Variants in FRMD4A observed in about 807,000 individuals in gnomAD.
FRMD4A encodes the protein FERM domain-containing protein 4A.
A neutral mutation model predicts 129.1 loss-of-function variants in FRMD4A; 29 were observed. The observed-to-expected ratio is 0.22, with a 90% CI of 0.17 to 0.31. FRMD4A has a LOEUF of 0.31. FRMD4A is among the 10% of genes least tolerant of loss of function. The pLI, the probability that FRMD4A is intolerant of heterozygous loss-of-function variation, is 1.00. For synonymous variants in FRMD4A, 634 were observed against 571.6 expected (o/e 1.11, Z -1.56); for missense variants, 1,272 against 1,375.8 (o/e 0.92, Z 1.19).
intron 2 of FRMD4A, among the ~76,000 whole-genome samples, chr10:14,095,010 A>C (rs1836874878): frequency 6.6e-6 from 1 of 152,096 alleles, no homozygotes; most frequent in South Asian, 2.1e-4. Flanking sequence ...GCATGGATGT[A>C]TATCTGTGTG....
chr10:14,278,851 AT>A (rs1451844248), intron 2 of FRMD4A, among the ~76,000 whole-genome samples: 4 of 152,030 alleles, frequency 2.6e-5, no homozygotes, highest in Non-Finnish European at 5.9e-5. Context: ...CAATCTTTTT[AT>A]TTTCTGCTTT....
At chr10:13,910,888 GAAAA>G (rs141449954) in intron 2 of FRMD4A, among the ~76,000 whole-genome samples, 4 of 83,070 alleles carry the variant, frequency 4.8e-5, no homozygotes, top group South Asian at 4.5e-4. Flanking sequence ...GGAGTTTCAT[GAAAA>G]AAAAAAAAAA....
intron 2 of FRMD4A, among the ~76,000 whole-genome samples, chr10:14,012,846 C>T (rs2095686852): frequency 6.6e-6 from 1 of 152,200 alleles, no homozygotes; most frequent in Non-Finnish European, 1.5e-5. Flanking sequence ...GAAGTCCACT[C>T]ACATGTGCAT....
At chr10:13,947,225 T>C (rs945170484) in intron 2 of FRMD4A, among the ~76,000 whole-genome samples, 2 of 152,118 alleles carry the variant, frequency 1.3e-5, no homozygotes, top group African/African-American at 2.4e-5. Context: ...ACGTGGATGC[T>C]ATGGATGCGC....
In FRMD4A at chr10:13,660,441, G is replaced by A; in HGVS notation, c.1773C>T (p.Leu591=). 6.2e-7 allele frequency: 1 copy of A among 1,613,622 alleles called. No homozygotes were observed. The highest frequency in any genetic ancestry group is 8.5e-7 in the Non-Finnish European group (1 of 1,179,506). Residue 591 remains leucine (L), a synonymous_variant, in exon 20 of 25, where the codon CTC becomes CTT. Transcript: ENST00000357447. ...RPPPPQSLEG[L]RQMHYHRNDY... Reference sequence around the variant, plus strand: ...CGTTGCGGTGATAGTGCATCTGTCGGAGTCCCTCCAGGGACTGGGGAGGAG... The same window carrying A: ...CGTTGCGGTGATAGTGCATCTGTCGAAGTCCCTCCAGGGACTGGGGAGGAG...
In FRMD4A at chr10:13,656,836, C is replaced by A. The variant is rs142082242; in HGVS notation, c.2753G>T (p.Gly918Val). 1.4e-5 allele frequency: 22 copies of A among 1,532,052 alleles called. No homozygotes were observed. Among genetic ancestry groups the A allele is most frequent in the Admixed American group, 2.1e-5 (1 of 48,030 alleles). 94.9% of individuals were successfully genotyped at this position (1,532,052 alleles called of 1,614,324 possible). A position where few individuals can be genotyped will look rare whatever the true frequency, so the allele number is the denominator to read the frequency against. The stretch of plus-strand genomic sequence containing the variant: ...GTCTGAGACGGCGGCACGGCCCGCG[C>A]CCTTGTCGTGGGCGCCCTCGCGGCC... ...SLGREGAHDK[G>V]AGRAAVSDEL... is the part of the protein sequence containing the mutation. Residue 918 changes from glycine to valine, a missense_variant, in exon 22 of 25, where the codon GGC becomes GTC. Gly to Val is a moderately radical substitution (Grantham distance 109, BLOSUM62 -3). Transcript: ENST00000357447.
chr10:13,866,719 G>A (rs1436099580), intron 2 of FRMD4A, among the ~76,000 whole-genome samples: 2 of 152,152 alleles, frequency 1.3e-5, no homozygotes, highest in East Asian at 3.8e-4. Flanking sequence ...CAGCGCTTTG[G>A]GAGGCCGAGG....
intron 9 of FRMD4A, among the ~76,000 whole-genome samples, chr10:13,742,440 C>A (rs905165756): frequency 6.6e-6 from 1 of 152,184 alleles, no homozygotes; most frequent in African/African-American, 2.4e-5. Context: ...TCCTCTTCAC[C>A]CTCCCTGTCC....
rs891170226 is a variant in FRMD4A, at chr10:13,952,853, G to A, written c.46-93941C>T. 2.9e-4 allele frequency among the ~76,000 whole-genome samples: 44 copies of A among 151,850 alleles called. 1 individual carries two copies. Among genetic ancestry groups the A allele is most frequent in the Admixed American group, 2.8e-3 (42 of 15,234 alleles). Reference sequence around the variant, plus strand: ...GGACCATGGTGCCCACCACCATGTCGGCTAATTTTTTTTCGTATTTTTAGT... The same window carrying A: ...GGACCATGGTGCCCACCACCATGTCAGCTAATTTTTTTTCGTATTTTTAGT... On this transcript the variant is annotated intron_variant, in intron 2 of 24. Transcript: ENST00000357447.
chr10:13,785,944 C>A (rs2092847282), intron 5 of FRMD4A, among the ~76,000 whole-genome samples: 2 of 152,350 alleles, frequency 1.3e-5, no homozygotes, highest in South Asian at 4.1e-4. Flanking sequence ...CTACAAAGCA[C>A]ATGAACTCAT....
intron 2 of FRMD4A, among the ~76,000 whole-genome samples, chr10:13,989,158 A>G (rs1472507310): frequency 6.6e-6 from 1 of 152,000 alleles, no homozygotes; most frequent in Non-Finnish European, 1.5e-5. Context: ...CCAGCCCCCT[A>G]GTGGCACCTC....
intron 3 of FRMD4A, among the ~76,000 whole-genome samples, chr10:13,846,560 T>C (rs905186019): frequency 1.1e-4 from 17 of 152,196 alleles, no homozygotes; most frequent in African/African-American, 3.9e-4. Context: ...TAGGGTCACA[T>C]GGTGGCTTCT....
intron 2 of FRMD4A, among the ~76,000 whole-genome samples, chr10:14,202,198 G>A (rs537242467): frequency 6.6e-6 from 1 of 152,000 alleles, no homozygotes; most frequent in African/African-American, 2.4e-5. Flanking sequence ...AGTCAGTGGT[G>A]TGCTGCAAGA....
intron 12 of FRMD4A, among the ~76,000 whole-genome samples, chr10:13,735,126 G>A (rs376584999): frequency 6.6e-6 from 1 of 152,298 alleles, no homozygotes; most frequent in Non-Finnish European, 1.5e-5. Flanking sequence ...ACCCGCCTCG[G>A]CCTCCCAAAG....
intron 14 of FRMD4A, among the ~76,000 whole-genome samples, chr10:13,696,594 A>T (rs536289445): frequency 1.5e-3 from 223 of 152,302 alleles, no homozygotes; most frequent in African/African-American, 5.1e-3. Flanking sequence ...AAATACAAAA[A>T]TTAGACTTGT....
At chr10:13,796,962 C>T (rs970738923) in intron 4 of FRMD4A, among the ~76,000 whole-genome samples, 3 of 152,104 alleles carry the variant, frequency 2.0e-5, no homozygotes, top group South Asian at 2.1e-4. Flanking sequence ...TCAGGTGATC[C>T]GCCCACCTCG....
At chr10:13,664,173 G>A (rs2082842519) in intron 18 of FRMD4A, among the ~76,000 whole-genome samples, 1 of 152,214 alleles carries the variant, frequency 6.6e-6, no homozygotes, top group African/African-American at 2.4e-5. Context: ...CCAGCAATGT[G>A]AGCAAAGGTC....
At chr10:13,753,029 A>G (rs748564225) in intron 8 of FRMD4A, among the ~76,000 whole-genome samples, 20 of 152,322 alleles carry the variant, frequency 1.3e-4, no homozygotes, top group Middle Eastern at 3.4e-3. Context: ...GTAAACATTG[A>G]GACCCTAAAG....
At chr10:14,221,208 G>T (rs1480608452) in intron 2 of FRMD4A, among the ~76,000 whole-genome samples, 1 of 152,196 alleles carries the variant, frequency 6.6e-6, no homozygotes, top group African/African-American at 2.4e-5. Context: ...CTGCCCTACT[G>T]CCCTGAGGCC....
Sources: allele counts gnomAD v4.1 joint callset (sites outside exome capture counted in the v4.1 genomes callset), GRCh38; gene constraint gnomAD v4.1.1; transcripts MANE v1.5; gene names NCBI Gene and HGNC (gene_info 2026-07-23, HGNC 2026-07-21).